Variants in NFATC1 observed in about 807,000 individuals in gnomAD.
The protein encoded by NFATC1 is nuclear factor of activated T-cells, cytoplasmic 1.
A neutral mutation model predicts 76.0 loss-of-function variants in NFATC1; 22 were observed. The observed-to-expected ratio is 0.29, with a 90% CI of 0.21 to 0.41. The LOEUF (loss-of-function observed/expected upper bound fraction) is 0.41. Among genes scored for constraint, NFATC1 ranks in the 10% least tolerant of loss-of-function variants. NFATC1 has a pLI of 1.00. For missense variants in NFATC1, 1,357 were observed against 1,337.7 expected (o/e 1.01, Z -0.23); for synonymous variants, 704 against 613.1 (o/e 1.15, Z -2.19).
intron 9 of NFATC1, among the ~76,000 whole-genome samples, chr18:79,521,548 T>G (rs1175522464): frequency 0.033 from 16 of 482 alleles, no homozygotes; most frequent in Non-Finnish European, 0.05. Flanking sequence ...TATGTGTGTG[T>G]GGGGGGGCAT....
At chr18:79,447,957 A>G (rs1219857371) in intron 3 of NFATC1, among the ~76,000 whole-genome samples, 2 of 152,202 alleles carry the variant, frequency 1.3e-5, no homozygotes, top group Admixed American at 6.5e-5. Context: ...GGTCCTGAAC[A>G]TGTGTGTGCC....
chr18:79,491,993 T>C (rs2089693079), intron 9 of NFATC1, among the ~76,000 whole-genome samples: 1 of 152,198 alleles, frequency 6.6e-6, no homozygotes, highest in Admixed American at 6.5e-5. Flanking sequence ...TCACGCCCAG[T>C]GATGCTGACG....
rs2085684585 is a variant in NFATC1, at chr18:79,411,544, C to CGCGGGGCGGGGCGGAACGCGGGGA, written c.1226+49_1226+72dup. The CGCGGGGCGGGGCGGAACGCGGGGA allele has an allele frequency of 4.6e-6, 6 of 1,313,170 alleles. No homozygotes were observed. The East Asian group carries it at 1.5e-4, about 32-fold the overall frequency. 81.3% of individuals were successfully genotyped at this position (1,313,170 alleles called of 1,614,324 possible). On this transcript the variant is annotated intron_variant, in intron 2 of 9. Coordinates refer to ENST00000427363, the MANE Select transcript of NFATC1 (RefSeq NM_001278669.2). The stretch of plus-strand genomic sequence containing the variant: ...GGCGGGACGGGGAGGCGAGGGGAGG[C>CGCGGGGCGGGGCGGAACGCGGGGA]GCGGGGCGGGGCGGAACGCGGGGAG...
chr18:79,476,054 G>C (rs912316723), intron 8 of NFATC1, among the ~76,000 whole-genome samples: 10 of 152,064 alleles, frequency 6.6e-5, no homozygotes, highest in Non-Finnish European at 1.2e-4. Context: ...GGATGAGAGG[G>C]CGGGAAGGGG....
At chr18:79,463,260 A>G (rs1345653098) in intron 7 of NFATC1, among the ~76,000 whole-genome samples, 2 of 152,180 alleles carry the variant, frequency 1.3e-5, no homozygotes, top group Non-Finnish European at 2.9e-5. Context: ...CCTTCACCTG[A>G]GAAGCCCCTT....
chr18:79,511,884 C>T (rs1387782707), intron 9 of NFATC1, among the ~76,000 whole-genome samples: 2 of 152,014 alleles, frequency 1.3e-5, no homozygotes, highest in Non-Finnish European at 2.9e-5. Context: ...GGATTCGGGG[C>T]TTCTGGGGGA....
In NFATC1 at chr18:79,486,778, C is replaced by T. The variant is rs1039727753; in HGVS notation, c.2623C>T (p.Pro875Ser). The T allele has an allele frequency of 1.2e-6, 2 of 1,608,388 alleles. No homozygotes were observed. The highest frequency in any genetic ancestry group is 1.3e-5 in the African/African-American group (1 of 74,824). The stretch of plus-strand genomic sequence containing the variant: ...AGCGTGCCCGCCCGCCACGGGCCGC[C>T]CGCAGCACCTGCCGTCCACGGTCCG... ...SPACPPATGR[P>S]QHLPSTVRRD... Residue 875 changes from proline to serine, a missense_variant, in exon 9 of 10, where the codon CCG becomes TCG. Pro to Ser is a moderately conservative substitution (Grantham distance 74). Around this residue, in one of 3 missense-constraint regions of NFATC1, gnomAD observed 424 missense variants for 395.4 expected, o/e 1.07. Transcript: ENST00000427363.
At chr18:79,447,036 G>C (rs1296095716) in intron 3 of NFATC1, among the ~76,000 whole-genome samples, 2 of 152,300 alleles carry the variant, frequency 1.3e-5, no homozygotes, top group South Asian at 4.1e-4. Context: ...AGCAGCCGTC[G>C]CTTCACTGTG....
intron 2 of NFATC1, among the ~76,000 whole-genome samples, chr18:79,424,168 G>T (rs1276702947): frequency 1.3e-5 from 2 of 152,250 alleles, no homozygotes; most frequent in African/African-American, 4.8e-5. Flanking sequence ...CCAGCCAGAG[G>T]TCGGGAATCA....
intron 1 of NFATC1, among the ~76,000 whole-genome samples, chr18:79,405,718 A>G (rs1347607026): frequency 6.6e-6 from 1 of 152,222 alleles, no homozygotes; most frequent in Non-Finnish European, 1.5e-5. Context: ...TCGTTTTGTC[A>G]TTTGTTTGAT....
intron 2 of NFATC1, among the ~76,000 whole-genome samples, chr18:79,416,361 T>C (rs2085875668): frequency 1.3e-5 from 2 of 152,202 alleles, no homozygotes. Flanking sequence ...CCCTTTGCTC[T>C]TGTGGCTCTG....
chr18:79,410,661 A>G lies in NFATC1; in HGVS notation c.386A>G (p.Tyr129Cys). Residue 129 changes from tyrosine (Y) to cysteine (C), a missense_variant, in exon 2 of 10, where the codon TAC becomes TGC. This residue lies in a region of NFATC1 where 691 missense variants were observed against 613.1 expected (regional missense o/e 1.13). Transcript: ENST00000427363. This position sits in a 1 kb window ranked among gnomAD's most constrained non-coding sequence, Gnocchi z 6.7. ...RIEITSCLGL[Y>C]HNNNQFFHDV... ...GAGATAACCTCGTGCTTGGGCCTGT[A>G]CCACAACAATAACCAGTTTTTCCAC... 1 of 1,613,086 alleles carries G rather than the reference A, an allele frequency of 6.2e-7. No individual in the cohort carries two copies. The highest frequency in any genetic ancestry group is 8.5e-7 in the Non-Finnish European group (1 of 1,179,998).
chr18:79,515,044 A>G (rs2090344557), intron 9 of NFATC1, among the ~76,000 whole-genome samples: 1 of 151,466 alleles, frequency 6.6e-6, no homozygotes, highest in African/African-American at 2.4e-5. Flanking sequence ...CAAGACGCTG[A>G]TTCTAAAAAT....
intron 2 of NFATC1, among the ~76,000 whole-genome samples, chr18:79,427,470 G>GGGGA (rs1235488170): frequency 3.5e-5 from 3 of 85,728 alleles, no homozygotes; most frequent in Non-Finnish European, 7.5e-5. Flanking sequence ...GGTGGGTGGG[G>GGGGA]GCTGTACCAC....
chr18:79,470,815 T>A (rs1205920556), intron 8 of NFATC1: 1 of 152,288 alleles, frequency 6.6e-6, no homozygotes, highest in Non-Finnish European at 1.5e-5. Context: ...GAATCAGGCA[T>A]CTGAGTGCAG....
At chr18:79,403,268 TATTTCGAAA>T in intron 1 of NFATC1, among the ~76,000 whole-genome samples, 1 of 152,376 alleles carries the variant, frequency 6.6e-6, no homozygotes, top group Non-Finnish European at 1.5e-5. Context: ...TCTTGTTCTT[TATTTCGAAA>T]GTGCTCAGCA....
chr18:79,520,446 T>TA (rs1389689470), intron 9 of NFATC1, among the ~76,000 whole-genome samples: 1 of 150,726 alleles, frequency 6.6e-6, no homozygotes, highest in African/African-American at 2.4e-5. Context: ...CACCCCCACA[T>TA]AAAAAAAGTT....
At chr18:79,472,566 A>G (rs2088830009) in intron 8 of NFATC1, among the ~76,000 whole-genome samples, 2 of 152,148 alleles carry the variant, frequency 1.3e-5, no homozygotes, top group South Asian at 4.1e-4. Flanking sequence ...AGCGGCCCCA[A>G]ATCACCCTTT....
At chr18:79,482,334 C>A (rs1189435848) in intron 8 of NFATC1, among the ~76,000 whole-genome samples, 77 of 140,718 alleles carry the variant, frequency 5.5e-4, no homozygotes, top group Admixed American at 2.1e-3. Flanking sequence ...GGGTGTCATT[C>A]CAGCGTGACC....
Sources: allele counts gnomAD v4.1 joint callset (sites outside exome capture counted in the v4.1 genomes callset), GRCh38; gene constraint gnomAD v4.1.1; regional missense constraint gnomAD v4.1.1; non-coding constraint Gnocchi (gnomAD v3.1); transcripts MANE v1.5; gene names NCBI Gene and HGNC (gene_info 2026-07-23, HGNC 2026-07-21).